GRIA4: variants seen among roughly 807,000 people sequenced by gnomAD.
GRIA4 encodes glutamate receptor 4.
GRIA4 carries 34 observed loss-of-function variants against 104.0 expected under a neutral mutation model. The observed-to-expected ratio is 0.33, with a 90% CI of 0.25 to 0.44. The LOEUF (loss-of-function observed/expected upper bound fraction) is 0.44, where lower values mean the gene tolerates loss of function less well. Ranked by LOEUF, GRIA4 falls within the 20% of genes least tolerant of loss-of-function variation. GRIA4 has a pLI of 1.00. For synonymous variants in GRIA4, 386 were observed against 381.9 expected (o/e 1.01, Z -0.13); for missense variants, 750 against 1,096.5 (o/e 0.68, Z 4.46).
intron 4 of GRIA4, among the ~76,000 whole-genome samples, chr11:105,812,887 G>A (rs1446852276): frequency 6.6e-6 from 1 of 152,026 alleles, no homozygotes; most frequent in Non-Finnish European, 1.5e-5. Context: ...GGATCACGAG[G>A]TCAGGAGATC....
At chr11:105,687,682 G>T (rs1482289057) in intron 3 of GRIA4, among the ~76,000 whole-genome samples, 1 of 152,146 alleles carries the variant, frequency 6.6e-6, no homozygotes, top group African/African-American at 2.4e-5. Context: ...TATGACGATG[G>T]GTCAGGCATA....
intron 4 of GRIA4, among the ~76,000 whole-genome samples, chr11:105,837,329 A>G (rs969686209): frequency 3.3e-5 from 5 of 152,166 alleles, no homozygotes; most frequent in African/African-American, 1.2e-4. Flanking sequence ...GTGCTTCCTC[A>G]TTAGTGAGAA....
rs1945930965 is a variant in GRIA4, at chr11:105,878,701, C to T, written c.673-8818C>T. On this transcript the variant is annotated intron_variant, in intron 5 of 16. Coordinates refer to ENST00000282499, the MANE Select transcript of GRIA4 (RefSeq NM_000829.4). ...CCGCCCAGTTCAAACTTCCTGGAGACTTTGTTTACAATGTGGGGTAATGGC... is the reference window on the plus strand; with the variant it reads ...CCGCCCAGTTCAAACTTCCTGGAGATTTTGTTTACAATGTGGGGTAATGGC... 2.0e-5 allele frequency among the ~76,000 whole-genome samples: 3 copies of T among 152,196 alleles called. No homozygotes were observed. In the South Asian group the frequency reaches 6.2e-4, roughly 32 times the overall value.
At chr11:105,634,529 A>T (rs10895845) in intron 3 of GRIA4, among the ~76,000 whole-genome samples, 2 of 90,182 alleles carry the variant, frequency 2.2e-5, no homozygotes, top group East Asian at 3.0e-4. Context: ...AGAAAGAAAG[A>T]AAAGAAAGAA....
chr11:105,819,637 G>C (rs529493763), intron 4 of GRIA4, among the ~76,000 whole-genome samples: 3 of 152,056 alleles, frequency 2.0e-5, no homozygotes, highest in Admixed American at 6.5e-5. Flanking sequence ...AACGCTCCTG[G>C]GTAGGGGGTA....
At chr11:105,877,036 T>C (rs901474801) in intron 5 of GRIA4, among the ~76,000 whole-genome samples, 4 of 152,234 alleles carry the variant, frequency 2.6e-5, no homozygotes, top group African/African-American at 7.2e-5. Flanking sequence ...AGTATGTTTT[T>C]TGCAGTGGCT....
chr11:105,840,460 G>A (rs980733541), intron 4 of GRIA4, among the ~76,000 whole-genome samples: 20 of 152,102 alleles, frequency 1.3e-4, no homozygotes, highest in Non-Finnish European at 5.9e-5. Flanking sequence ...ATAACTCATG[G>A]GAACTTTATA....
At chr11:105,679,182 C>T (rs1330628653) in intron 3 of GRIA4, among the ~76,000 whole-genome samples, 2 of 152,136 alleles carry the variant, frequency 1.3e-5, no homozygotes, top group Non-Finnish European at 1.5e-5. Flanking sequence ...AGAATCCCTT[C>T]TTGCTTGAGG....
chr11:105,763,489 T>C (rs754831929), intron 4 of GRIA4, among the ~76,000 whole-genome samples: 1 of 152,178 alleles, frequency 6.6e-6, no homozygotes, highest in Non-Finnish European at 1.5e-5. Context: ...CTGATGACAA[T>C]AGCCCTAAAG....
intron 2 of GRIA4, among the ~76,000 whole-genome samples, chr11:105,611,311 C>T (rs1481366047): frequency 6.6e-6 from 1 of 152,058 alleles, no homozygotes; most frequent in Non-Finnish European, 1.5e-5. Context: ...GCCCATAGCC[C>T]TATTTCCACC....
At chr11:105,789,816 A>G (rs1266636290) in intron 4 of GRIA4, among the ~76,000 whole-genome samples, 2 of 152,238 alleles carry the variant, frequency 1.3e-5, no homozygotes, top group African/African-American at 4.8e-5. Context: ...CTTTAAATTC[A>G]TTATTGCTCA....
chr11:105,646,550 G>A (rs1234461129), intron 3 of GRIA4, among the ~76,000 whole-genome samples: 2 of 152,032 alleles, frequency 1.3e-5, no homozygotes, highest in Admixed American at 1.3e-4. Context: ...CTATACTACA[G>A]GGCTACACTA....
chr11:105,918,659 T>A, intron 10 of GRIA4, 53 bp from the exon 11 acceptor site: 1 of 887,252 alleles, frequency 1.1e-6, no homozygotes, highest in Admixed American at 2.0e-5. Context: ...TTACATAAGG[T>A]TTTTCAAATG....
chr11:105,634,533 G>GAAAGAA (rs1398348356), intron 3 of GRIA4, among the ~76,000 whole-genome samples: 8 of 111,430 alleles, frequency 7.2e-5, no homozygotes, highest in African/African-American at 2.3e-4. Context: ...AGAAAGAAAA[G>GAAAGAA]AAAGAAAAAG....
intron 3 of GRIA4, among the ~76,000 whole-genome samples, chr11:105,719,286 A>G (rs1002296495): frequency 2.6e-5 from 4 of 152,134 alleles, no homozygotes; most frequent in African/African-American, 9.7e-5. Flanking sequence ...TGTGATTGGC[A>G]TTAGGAACTA....
At position 105,926,855 on chromosome 11, in the gene GRIA4, C is replaced by A; in HGVS notation, c.1962C>A (p.Pro654=). 2 of 1,611,050 alleles carry A rather than the reference C, an allele frequency of 1.2e-6. No individual in the cohort carries two copies. The highest frequency in any genetic ancestry group is 1.7e-6 in the Non-Finnish European group (2 of 1,177,606). Residue 654 remains proline, a synonymous_variant, in exon 13 of 17, where the codon CCC becomes CCA. Transcript: ENST00000282499. The stretch of plus-strand genomic sequence containing the variant: ...TGACGGTTGAGCGAATGGTCTCTCC[C>A]ATAGAAAGTGCAGAAGACCTGGCCA... ...AFLTVERMVS[P]IESAEDLAKQ...
intron 5 of GRIA4, among the ~76,000 whole-genome samples, chr11:105,870,832 T>C (rs1945588177): frequency 6.6e-6 from 1 of 152,074 alleles, no homozygotes; most frequent in African/African-American, 2.4e-5. Context: ...TTAAACATGA[T>C]TGACGTCGTG....
intron 4 of GRIA4, among the ~76,000 whole-genome samples, chr11:105,843,690 T>C (rs1944473795): frequency 6.6e-6 from 1 of 152,162 alleles, no homozygotes; most frequent in Admixed American, 6.5e-5. Context: ...TCTCAGAGAA[T>C]TTCTAGTAGT....
intron 4 of GRIA4, among the ~76,000 whole-genome samples, chr11:105,852,487 CA>C (rs1944847696): frequency 6.6e-6 from 1 of 152,130 alleles, no homozygotes; most frequent in Non-Finnish European, 1.5e-5. Flanking sequence ...CTCAGAACCA[CA>C]GAGTTGAAAT....
Sources: gnomAD v4.1 joint callset for allele counts (sites outside exome capture counted in the v4.1 genomes callset) on GRCh38, gnomAD v4.1.1 for gene constraint, MANE v1.5 for transcripts, NCBI Gene and HGNC (gene_info 2026-07-23, HGNC 2026-07-21) for gene names.